WNK1: variants seen among roughly 807,000 people sequenced by gnomAD.
WNK1 encodes WNK lysine deficient protein kinase 1, also known as serine/threonine-protein kinase WNK1.
Under a neutral mutation model 222.8 loss-of-function variants are expected in WNK1, and 38 were observed. The ratio of observed to expected loss-of-function variants is 0.17; its 90% CI spans 0.13 to 0.22. The LOEUF is 0.22. Among genes scored for constraint, WNK1 ranks in the 10% least tolerant of loss-of-function variants. WNK1 has a pLI of 1.00. For synonymous variants in WNK1, 1,090 were observed against 1,092.9 expected, an observed-to-expected ratio of 1.00 and a Z score of 0.05; for missense variants, 2,348 against 2,918.4, an observed-to-expected ratio of 0.80 and a Z score of 4.50.
At chr12:904,323 C>A in intron 26 of WNK1, 1 of 569,634 alleles carries the variant, frequency 1.8e-6, no homozygotes, top group Non-Finnish European at 2.9e-6. Context: ...TCAAGGGCTA[C>A]CAGGTCCTAC....
Position 908,861 on chromosome 12 carries a change from G to GGGGGGGGGGGGGGCC in WNK1, c.*69_*70insGGGGGGGGGGGGGCC. 3.3e-5 allele frequency: 16 copies of GGGGGGGGGGGGGGCC among 491,844 alleles called. No homozygotes were observed. The highest frequency in any genetic ancestry group is 1.2e-4 in the East Asian group (2 of 16,748). The allele number at this position is 491,844 out of a possible 1,614,324, so 30.5% of individuals were successfully genotyped here. A position where few individuals can be genotyped will look rare whatever the true frequency, so the allele number is the denominator to read the frequency against. Reference sequence around the variant, plus strand: ...ATGCTGAGGGGGTGGGTGGGGGTGGGAAGTAGCCTATATACTAACTACTAG... The same window carrying GGGGGGGGGGGGGGCC: ...ATGCTGAGGGGGTGGGTGGGGGTGGGGGGGGGGGGGGGGCCAAGTAGCCTATATACTAACTACTAG... On this transcript the variant is annotated 3_prime_UTR_variant, in exon 28 of 28. Transcript: ENST00000315939.
intron 22 of WNK1, among the ~76,000 whole-genome samples, chr12:892,075 T>TA (rs1954298674): frequency 2.6e-5 from 4 of 151,054 alleles, no homozygotes; most frequent in Non-Finnish European, 5.9e-5. Context: ...TTTTTTTTTT[T>TA]AATTTTATTA....
chr12:757,359 C>CA lies in WNK1; in HGVS notation c.759+3035_759+3036insA, dbSNP rs148630280. 3.6e-4 allele frequency among the ~76,000 whole-genome samples: 45 copies of CA among 125,528 alleles called. 1 individual carries two copies. The highest frequency in any genetic ancestry group is 2.4e-3 in the South Asian group (9 of 3,788). 82.4% of individuals were successfully genotyped at this position (125,528 alleles called of 152,430 possible). A position where few individuals can be genotyped will look rare whatever the true frequency, so the allele number is the denominator to read the frequency against. On this transcript the variant is annotated intron_variant, in intron 1 of 27. Transcript: ENST00000315939. Reference sequence around the variant, plus strand: ...AAAAAAAAAAAGAGACGGAGTCTTGCTCTATCTCCAGGCTAGAGTGCAGTG... The same window carrying CA: ...AAAAAAAAAAAGAGACGGAGTCTTGCATCTATCTCCAGGCTAGAGTGCAGTG...
chr12:755,655 CTG>C (rs1322393659), intron 1 of WNK1, among the ~76,000 whole-genome samples: 1 of 151,692 alleles, frequency 6.6e-6, no homozygotes, highest in Non-Finnish European at 1.5e-5. Flanking sequence ...CAAACGAAAA[CTG>C]TTCATTTTGG....
At chr12:879,513 C>CTT (rs10717495) in intron 10 of WNK1, 60 bp from the exon 11 acceptor site, 2,116 of 401,394 alleles carry the variant, frequency 5.3e-3, no homozygotes, top group Middle Eastern at 8.3e-3. Context: ...GGCAGCCTTG[C>CTT]TTTTTTTTTT....
chr12:800,170 A>G (rs1945735740), intron 1 of WNK1, among the ~76,000 whole-genome samples: 1 of 152,082 alleles, frequency 6.6e-6, no homozygotes, highest in Non-Finnish European at 1.5e-5. Flanking sequence ...TAAACTGAAT[A>G]TTTATTTGGA....
At chr12:876,534 A>G (rs868116596) in intron 9 of WNK1, among the ~76,000 whole-genome samples, 6 of 152,250 alleles carry the variant, frequency 3.9e-5, no homozygotes, top group African/African-American at 1.2e-4. Flanking sequence ...GAGCAAAAAT[A>G]TTATTTGTAG....
intron 14 of WNK1, among the ~76,000 whole-genome samples, 155 bp downstream of exon 14, chr12:882,228 G>A (rs1385844745): frequency 2.0e-5 from 3 of 150,746 alleles, no homozygotes; most frequent in African/African-American, 7.3e-5. Flanking sequence ...ACGGAGTCTC[G>A]CTCTGTCGCC....
rs1384013691 is a variant in WNK1, at chr12:798,633, C to T, written c.760-15009C>T. Among the ~76,000 whole-genome samples, 22 of 106,056 alleles carry T rather than the reference C, an allele frequency of 2.1e-4. No individual in the cohort carries two copies. In the Admixed American group the frequency reaches 2.4e-3, roughly 11 times the overall value. The allele number at this position is 106,056 out of a possible 152,430, so 69.6% of individuals were successfully genotyped here. A position where few individuals can be genotyped will look rare whatever the true frequency, so the allele number is the denominator to read the frequency against. On this transcript the variant is annotated intron_variant, in intron 1 of 27. Coordinates refer to ENST00000315939, the MANE Select transcript of WNK1 (RefSeq NM_018979.4). ...TATGCTGCACAACTGTCTTTTTTTT[C>T]CTTTAATTGTGTTCCTCTTTTTAAT...
In WNK1 at chr12:776,161, G is replaced by C. The variant is rs144726313; in HGVS notation, c.759+21837G>C. ...CAGTCCTTCCCCTTTAGCCTCCCGA[G>C]TAGCTGGGACTACAGGCATGTACCA... On this transcript the variant is annotated intron_variant, in intron 1 of 27. Coordinates refer to ENST00000315939, the MANE Select transcript of WNK1 (RefSeq NM_018979.4). 5.6e-4 allele frequency among the ~76,000 whole-genome samples: 85 copies of C among 152,144 alleles called. No individual in the cohort carries two copies. In the East Asian group the frequency reaches 0.016, roughly 29 times the overall value.
rs2154065902 is a variant in WNK1 at position 861,221 on chromosome 12, G to T, written c.1829G>T (p.Ser610Ile). The T allele has an allele frequency of 4.3e-6, 7 of 1,613,988 alleles. No homozygotes were observed. Among genetic ancestry groups the T allele is most frequent in the Non-Finnish European group, 4.2e-6 (5 of 1,180,004 alleles). ...GGAATCAAGCAGCTCCCTTCTGCTA[G>T]CACCGGCATACCTACTGCTTCTACC... Reference protein sequence around the residue: ...QTGIKQLPSASTGIPTASTTS... With the variant: ...QTGIKQLPSAITGIPTASTTS... The change falls in exon 7 of 28, where the codon AGC (serine) becomes ATC (isoleucine). Residue 610 changes from serine (S) to isoleucine (I), a missense_variant. Transcript: ENST00000315939.
At chr12:880,572 C>G in intron 11 of WNK1, 149 bp from the exon 12 acceptor site, 1 of 877,042 alleles carries the variant, frequency 1.1e-6, no homozygotes. Context: ...AGAATGTGGT[C>G]TTTATATGCC....
chr12:827,403 T>C lies in WNK1; in HGVS notation c.1153+141T>C. Reference sequence around the variant, plus strand: ...CTCAGGAGGTGATCCATTGTACTTATGAGATATAGGATTCTCTATATTTGT... The same window carrying C: ...CTCAGGAGGTGATCCATTGTACTTACGAGATATAGGATTCTCTATATTTGT... On this transcript the variant is annotated intron_variant, in intron 3 of 27. Coordinates refer to ENST00000315939, the MANE Select transcript of WNK1 (RefSeq NM_018979.4). The surrounding 1 kb of genome is among the most constrained non-coding windows in gnomAD (Gnocchi z 4.6). The C allele has an allele frequency of 4.1e-6, 3 of 728,708 alleles. No individual in the cohort carries two copies. Among genetic ancestry groups the C allele is most frequent in the Non-Finnish European group, 7.3e-6 (3 of 411,316 alleles). The allele number at this position is 728,708 out of a possible 1,614,324, so 45.1% of individuals were successfully genotyped here.
chr12:844,683 A>G (rs1751276528), intron 4 of WNK1, among the ~76,000 whole-genome samples: 1 of 152,140 alleles, frequency 6.6e-6, no homozygotes, highest in Non-Finnish European at 1.5e-5. Context: ...TCTAGATTTT[A>G]CCAATCTCCA....
chr12:883,627 A>C (rs955962966), intron 16 of WNK1, 59 bp downstream of exon 16: 8 of 1,611,086 alleles, frequency 5.0e-6, no homozygotes, highest in Non-Finnish European at 6.8e-6. Context: ...CATAGTTCTA[A>C]ATTTGCTATG....
At chr12:759,553 A>T (rs2153914833) in intron 1 of WNK1, among the ~76,000 whole-genome samples, 1 of 147,476 alleles carries the variant, frequency 6.8e-6, no homozygotes, top group South Asian at 2.2e-4. Flanking sequence ...CTGGTCTTGA[A>T]CACCTGACCT....
rs1190802039 is a variant in WNK1 at position 865,924 on chromosome 12, A to AT, written c.2139+3660dup. 2.6e-5 allele frequency among the ~76,000 whole-genome samples: 4 copies of AT among 152,022 alleles called. No individual in the cohort carries two copies. In the South Asian group the frequency reaches 8.3e-4, roughly 32 times the overall value. ...CTACATAATGTTCCCCCATGGAAGT[A>AT]TTTTTTCCTTAGGTTTCAACCTAAG... On this transcript the variant is annotated intron_variant, in intron 8 of 27. Transcript: ENST00000315939.
chr12:828,158 T>C (rs1948508028), intron 3 of WNK1, among the ~76,000 whole-genome samples: 3 of 150,512 alleles, frequency 2.0e-5, no homozygotes, highest in African/African-American at 4.9e-5. Context: ...AAAAAAAAAT[T>C]AGCCGGGTGT....
intron 1 of WNK1, among the ~76,000 whole-genome samples, chr12:799,268 G>T (rs1453544778): frequency 6.6e-6 from 1 of 151,602 alleles, no homozygotes; most frequent in African/African-American, 2.4e-5. Flanking sequence ...GACCTCAGGC[G>T]TGCACCACCA....
Sources: gnomAD v4.1 joint callset for allele counts (sites outside exome capture counted in the v4.1 genomes callset) on GRCh38, gnomAD v4.1.1 for gene constraint, Gnocchi (gnomAD v3.1) non-coding constraint, MANE v1.5 for transcripts, NCBI Gene and HGNC (gene_info 2026-07-23, HGNC 2026-07-21) for gene names.